The following ELOVL6 variants were observed in gnomAD, a reference collection of about 807,000 sequenced individuals.
ELOVL6 encodes very long chain fatty acid elongase 6.
In ELOVL6, 8 loss-of-function variants were observed where a neutral mutation model predicts 31.7. The observed-to-expected ratio is 0.25, with a 90% confidence interval of 0.15 to 0.45. The LOEUF is 0.45. Ranked by LOEUF, ELOVL6 falls within the 20% of genes least tolerant of loss-of-function variation. The pLI is 1.00. For missense variants in ELOVL6, 126 were observed against 326.4 expected, an observed-to-expected ratio of 0.39 and a Z score of 4.73; for synonymous variants, 101 against 117.7, an observed-to-expected ratio of 0.86 and a Z score of 0.92.
intron 2 of ELOVL6, among the ~76,000 whole-genome samples, chr4:110,065,539 G>A (rs1328831910): frequency 2.0e-5 from 3 of 152,128 alleles, no homozygotes; most frequent in African/African-American, 7.2e-5. Flanking sequence ...TGAAAGGATC[G>A]CTTGAGTGCA....
intron 2 of ELOVL6, among the ~76,000 whole-genome samples, chr4:110,091,352 T>C (rs1415448734): frequency 2.6e-5 from 4 of 152,190 alleles, no homozygotes; most frequent in Non-Finnish European, 5.9e-5. Flanking sequence ...AGGCTGTCTG[T>C]TCACAACTGG....
chr4:110,084,409 A>ATATATCGCATATATCATATAT (rs1214879320), intron 2 of ELOVL6, among the ~76,000 whole-genome samples: 1 of 12,012 alleles, frequency 8.3e-5, no homozygotes, highest in Non-Finnish European at 2.3e-4. Flanking sequence ...ATGATATATG[A>ATATATCGCATATATCATATAT]CATACATGAT....
chr4:110,050,801 TC>T lies in ELOVL6; in HGVS notation c.*536del, dbSNP rs1754818586. On this transcript the variant is annotated 3_prime_UTR_variant, in exon 4 of 4. Transcript: ENST00000302274. ...CATGGGGTCTACAGCAGCTGGCATT[TC>T]TTAAAAAGGCTTTAGTTTCTGCAAA... The T allele has an allele frequency of 6.5e-6, 1 of 154,660 alleles. No homozygotes were observed. Among genetic ancestry groups the T allele is most frequent in the African/African-American group, 2.4e-5 (1 of 41,460 alleles). The allele number at this position is 154,660 out of a possible 1,614,324, so 9.6% of individuals were successfully genotyped here.
intron 2 of ELOVL6, among the ~76,000 whole-genome samples, chr4:110,067,266 A>G (rs1560804416): frequency 6.6e-6 from 1 of 152,166 alleles, no homozygotes; most frequent in East Asian, 1.9e-4. Flanking sequence ...CTTAAATCAG[A>G]TACCTCCATT....
intron 1 of ELOVL6, among the ~76,000 whole-genome samples, chr4:110,110,162 G>C (rs751556639): frequency 2.0e-5 from 3 of 152,060 alleles, no homozygotes; most frequent in Non-Finnish European, 4.4e-5. Context: ...TGATTTTAGG[G>C]ATACAAATAA....
At chr4:110,195,992 T>A (rs1759764841) in intron 1 of ELOVL6, among the ~76,000 whole-genome samples, 1 of 152,264 alleles carries the variant, frequency 6.6e-6, no homozygotes, top group Non-Finnish European at 1.5e-5. Context: ...CAGGAGTAGA[T>A]ACGTTGGCAC....
chr4:110,061,938 C>T (rs1560802051), intron 2 of ELOVL6, among the ~76,000 whole-genome samples: 1 of 152,148 alleles, frequency 6.6e-6, no homozygotes, highest in Non-Finnish European at 1.5e-5. Context: ...ATCCTTTCAT[C>T]CTTTTGGGTC....
At chr4:110,100,126 T>C (rs1027423177) in intron 2 of ELOVL6, among the ~76,000 whole-genome samples, 24 of 146,860 alleles carry the variant, frequency 1.6e-4, no homozygotes, top group Non-Finnish European at 3.4e-4. Context: ...TTGGTCACTA[T>C]GCCATCATAC....
At chr4:110,062,059 A>C (rs1485677250) in intron 2 of ELOVL6, among the ~76,000 whole-genome samples, 3 of 152,164 alleles carry the variant, frequency 2.0e-5, no homozygotes, top group Non-Finnish European at 4.4e-5. Flanking sequence ...GGAGTGAAAA[A>C]AAATCATTAA....
intron 2 of ELOVL6, among the ~76,000 whole-genome samples, chr4:110,078,837 G>A (rs189844722): frequency 0.015 from 2,267 of 152,220 alleles, 21 homozygotes; most frequent in Admixed American, 0.024. Flanking sequence ...GCTATATTCA[G>A]GAAACCCATC....
chr4:110,089,144 G>A (rs888646190), intron 2 of ELOVL6, among the ~76,000 whole-genome samples: 2 of 151,838 alleles, frequency 1.3e-5, no homozygotes, highest in Non-Finnish European at 2.9e-5. Context: ...CAAGTGATGA[G>A]CATACATTTA....
chr4:110,064,243 G>A (rs1395791234), intron 2 of ELOVL6, among the ~76,000 whole-genome samples: 1 of 150,604 alleles, frequency 6.6e-6, no homozygotes, highest in Non-Finnish European at 1.5e-5. Context: ...AAGGCGATGA[G>A]GAGGTGGGGA....
Position 110,119,645 on chromosome 4 carries a change from C to A in ELOVL6, c.90-14017G>T, listed in dbSNP as rs756501438. Among the ~76,000 whole-genome samples, 177 of 152,290 alleles carry A rather than the reference C, an allele frequency of 1.2e-3. 1 individual carries two copies. Among genetic ancestry groups the A allele is most frequent in the Non-Finnish European group, 1.9e-3 (127 of 68,032 alleles). On this transcript the variant is annotated intron_variant, in intron 1 of 3. Transcript: ENST00000302274. ...AGACTTTTATCTATATATCTTTTTA[C>A]ATCATTTCCCACAGACTTTCACTTT...
chr4:110,166,497 C>T (rs951731540), intron 1 of ELOVL6, among the ~76,000 whole-genome samples: 1 of 152,064 alleles, frequency 6.6e-6, no homozygotes, highest in African/African-American at 2.4e-5. Flanking sequence ...CCTGTAGTCC[C>T]AGCTACTAGA....
At chr4:110,189,438 T>C (rs1234204556) in intron 1 of ELOVL6, among the ~76,000 whole-genome samples, 1 of 149,774 alleles carries the variant, frequency 6.7e-6, no homozygotes, top group Non-Finnish European at 1.5e-5. Flanking sequence ...AATACAAAAA[T>C]TAGGCAGGTG....
chr4:110,092,742 T>G (rs1041615267), intron 2 of ELOVL6, among the ~76,000 whole-genome samples: 1 of 152,172 alleles, frequency 6.6e-6, no homozygotes, highest in Admixed American at 6.5e-5. Context: ...TCATTAAAAG[T>G]TCATTCCTTA....
chr4:110,055,631 C>G lies in ELOVL6; in HGVS notation c.374-3869G>C, dbSNP rs182482894. ...GGGTGTTCTTGGCCACCAAGAGACA[C>G]AGAGAGGCTACTCTGTGTGTGTGGT... On this transcript the variant is annotated intron_variant, in intron 3 of 3. Transcript: ENST00000302274. 1.5e-3 allele frequency among the ~76,000 whole-genome samples: 228 copies of G among 152,220 alleles called. 2 individuals are homozygous for G. Among genetic ancestry groups the G allele is most frequent in the African/African-American group, 5.2e-3 (214 of 41,536 alleles).
chr4:110,150,104 G>A (rs560042148), intron 1 of ELOVL6, among the ~76,000 whole-genome samples: 101 of 152,034 alleles, frequency 6.6e-4, no homozygotes, highest in Admixed American at 2.3e-3. Flanking sequence ...TAGAGACACC[G>A]TCTCACTATG....
At chr4:110,069,168 A>AATG (rs1417331256) in intron 2 of ELOVL6, among the ~76,000 whole-genome samples, 1 of 138,818 alleles carries the variant, frequency 7.2e-6, no homozygotes, top group Non-Finnish European at 1.5e-5. Context: ...TAATAATAAT[A>AATG]ATAGGGACAC....
Sources: gnomAD v4.1 joint callset for allele counts (sites outside exome capture counted in the v4.1 genomes callset) on GRCh38, gnomAD v4.1.1 for gene constraint, MANE v1.5 for transcripts, NCBI Gene and HGNC (gene_info 2026-07-23, HGNC 2026-07-21) for gene names.